The following TMEM132B variants were observed in gnomAD, a reference collection of about 807,000 sequenced individuals.
TMEM132B encodes the protein transmembrane protein 132B.
A neutral mutation model predicts 90.8 loss-of-function variants in TMEM132B; 18 were observed. That is an observed-to-expected ratio of 0.20 (90% CI 0.14 to 0.29). TMEM132B has a LOEUF of 0.29. Among genes scored for constraint, TMEM132B ranks in the 10% least tolerant of loss-of-function variants. The pLI, the probability that TMEM132B is intolerant of heterozygous loss-of-function variation, is 1.00. For missense variants in TMEM132B, 1,096 were observed against 1,326.8 expected (o/e 0.83, Z 2.70); for synonymous variants, 504 against 523.3 (o/e 0.96, Z 0.50).
intron 1 of TMEM132B, among the ~76,000 whole-genome samples, chr12:125,310,872 C>T (rs932522721): frequency 6.6e-6 from 1 of 152,246 alleles, no homozygotes; most frequent in Non-Finnish European, 1.5e-5. Context: ...GTCTCCTTGA[C>T]TCAAGGCACA....
intron 1 of TMEM132B, among the ~76,000 whole-genome samples, chr12:125,218,024 A>G (rs1873476585): frequency 6.6e-6 from 1 of 152,212 alleles, no homozygotes; most frequent in Admixed American, 6.5e-5. Flanking sequence ...AGGGAGATGG[A>G]ACTGTAAGAT....
In TMEM132B at chr12:125,513,212, T is replaced by G. The variant is rs577105734; in HGVS notation, c.1107-6227T>G. 2.0e-5 allele frequency among the ~76,000 whole-genome samples: 3 copies of G among 151,942 alleles called. No individual in the cohort carries two copies. The East Asian group carries it at 5.8e-4, about 29-fold the overall frequency. ...CCGCTCAAACTGTGTTTAACACTCT[T>G]CATTCATTCATTCATTCAACAGATG... On this transcript the variant is annotated intron_variant, in intron 3 of 8. Coordinates refer to ENST00000682704, the MANE Select transcript of TMEM132B (RefSeq NM_001366854.1).
intron 5 of TMEM132B, chr12:125,622,546 A>C (rs1886136285): frequency 1.0e-6 from 1 of 985,230 alleles, no homozygotes. Context: ...CCATGCTTTC[A>C]CATCAAGCCT....
At chr12:125,428,652 C>T (rs527248339) in intron 3 of TMEM132B, among the ~76,000 whole-genome samples, 1 of 152,236 alleles carries the variant, frequency 6.6e-6, no homozygotes, top group Admixed American at 6.5e-5. Flanking sequence ...CACAGCCTGC[C>T]CCAACCAAGC....
At chr12:125,306,558 T>C (rs560238672) in intron 1 of TMEM132B, among the ~76,000 whole-genome samples, 2 of 152,322 alleles carry the variant, frequency 1.3e-5, no homozygotes, top group South Asian at 4.1e-4. Flanking sequence ...ACCTAGAGCA[T>C]CCCTGATTCT....
chr12:125,223,506 A>C (rs1873605299), intron 1 of TMEM132B, among the ~76,000 whole-genome samples: 1 of 152,202 alleles, frequency 6.6e-6, no homozygotes, highest in East Asian at 1.9e-4. Context: ...TTGTGGTAAA[A>C]TACACACAAC....
chr12:125,641,273 A>G (rs943658722), intron 5 of TMEM132B, among the ~76,000 whole-genome samples: 2 of 152,224 alleles, frequency 1.3e-5, no homozygotes, highest in Non-Finnish European at 2.9e-5. Context: ...CCAAAAAAGG[A>G]AGGTACTGCA....
At chr12:125,249,113 A>AT (rs1306011719) in intron 1 of TMEM132B, among the ~76,000 whole-genome samples, 3 of 152,084 alleles carry the variant, frequency 2.0e-5, no homozygotes, top group Non-Finnish European at 4.4e-5. Flanking sequence ...ACTTGTGCTA[A>AT]TTTTTCTGAT....
chr12:125,624,242 G>C (rs746130250), intron 5 of TMEM132B, among the ~76,000 whole-genome samples: 3 of 152,222 alleles, frequency 2.0e-5, no homozygotes, highest in Non-Finnish European at 2.9e-5. Flanking sequence ...GGCTGAGCTA[G>C]GGAGATCTTT....
chr12:125,371,655 T>C (rs1028930902), intron 2 of TMEM132B, among the ~76,000 whole-genome samples: 9 of 152,212 alleles, frequency 5.9e-5, no homozygotes, highest in African/African-American at 1.9e-4. Flanking sequence ...GTAGATCTGC[T>C]CTGTGTAATT....
intron 4 of TMEM132B, among the ~76,000 whole-genome samples, chr12:125,533,189 G>A (rs1351614046): frequency 6.6e-6 from 1 of 152,184 alleles, no homozygotes; most frequent in Admixed American, 6.5e-5. Flanking sequence ...CCTACCAGAA[G>A]CCAGAATAAC....
At chr12:125,306,098 G>A (rs750655) in intron 1 of TMEM132B, among the ~76,000 whole-genome samples, 12,847 of 152,292 alleles carry the variant, frequency 0.084, 612 homozygotes, top group Non-Finnish European at 0.1. Context: ...TGGCCAACTG[G>A]AAGCTTTGGT....
intron 4 of TMEM132B, among the ~76,000 whole-genome samples, chr12:125,553,690 A>C (rs542702115): frequency 7.6e-6 from 1 of 131,010 alleles, no homozygotes; most frequent in Non-Finnish European, 1.7e-5. Context: ...GAATATTTTA[A>C]TTCTCTTTCA....
intron 1 of TMEM132B, among the ~76,000 whole-genome samples, chr12:125,330,064 C>T (rs1162165167): frequency 6.6e-6 from 1 of 152,208 alleles, no homozygotes; most frequent in Admixed American, 6.5e-5. Context: ...CTGTGTCACG[C>T]TGGACTGATG....
chr12:125,379,274 T>G (rs1256783457), intron 2 of TMEM132B, among the ~76,000 whole-genome samples: 1 of 152,178 alleles, frequency 6.6e-6, no homozygotes, highest in Non-Finnish European at 1.5e-5. Flanking sequence ...TCCTGGGTTA[T>G]CCAGGTGGAA....
At chr12:125,607,321 A>G (rs529285610) in intron 5 of TMEM132B, among the ~76,000 whole-genome samples, 41 of 152,368 alleles carry the variant, frequency 2.7e-4, no homozygotes, top group African/African-American at 9.9e-4. Context: ...AAAGAGGTTT[A>G]GAGACCTCTG....
At chr12:125,582,607 T>A (rs1282847934) in intron 4 of TMEM132B, among the ~76,000 whole-genome samples, 3 of 152,202 alleles carry the variant, frequency 2.0e-5, no homozygotes, top group Admixed American at 6.5e-5. Flanking sequence ...TTCAGGCAAG[T>A]GCGAAGTGGC....
Position 125,654,614 on chromosome 12 carries a change from C to T in TMEM132B, c.3156C>T (p.Asp1052=). ...GGPYTNSILF[D]SDDNIKWVCQ... is the part of the protein sequence containing the mutation. ...CATACACCAACTCCATCCTGTTTGA[C>T]AGCGATGATAACATCAAGTGGGTCT... The change falls in exon 9 of 9, where the codon GAC becomes GAT. Residue 1052 remains aspartate (D), a synonymous_variant. Transcript: ENST00000682704. This position sits in a 1 kb window ranked among gnomAD's most constrained non-coding sequence, Gnocchi z 5.8. 1 of 1,614,202 alleles carries T rather than the reference C, an allele frequency of 6.2e-7. No individual in the cohort carries two copies.
At chr12:125,237,065 T>C (rs2136088189) in intron 1 of TMEM132B, among the ~76,000 whole-genome samples, 1 of 152,374 alleles carries the variant, frequency 6.6e-6, no homozygotes, top group Non-Finnish European at 1.5e-5. Flanking sequence ...GCTGGGATAT[T>C]GATCCATTGG....
Sources: gnomAD v4.1 joint callset for allele counts (sites outside exome capture counted in the v4.1 genomes callset) on GRCh38, gnomAD v4.1.1 for gene constraint, Gnocchi (gnomAD v3.1) non-coding constraint, MANE v1.5 for transcripts, NCBI Gene and HGNC (gene_info 2026-07-23, HGNC 2026-07-21) for gene names.